SHISA9: variants seen among roughly 807,000 people sequenced by gnomAD.
SHISA9 encodes protein shisa-9.
A neutral mutation model predicts 38.0 loss-of-function variants in SHISA9; 13 were observed. The observed-to-expected ratio is 0.34, with a 90% CI of 0.22 to 0.54. The LOEUF is 0.54. Ranked by LOEUF, SHISA9 falls within the 20% of genes least tolerant of loss-of-function variation. The pLI, the probability that SHISA9 is intolerant of heterozygous loss-of-function variation, is 0.91. For synonymous variants in SHISA9, 275 were observed against 242.0 expected, an observed-to-expected ratio of 1.14 and a Z score of -1.27; for missense variants, 538 against 575.8, an observed-to-expected ratio of 0.93 and a Z score of 0.67.
At chr16:13,469,356 AAGAAAAGAAAAAGAAAGAAAGAAAGAAAG>A in the SHISA9 span, among the ~76,000 whole-genome samples, 15 of 126,006 alleles carry the variant, frequency 1.2e-4, no homozygotes, top group East Asian at 1.7e-3. Flanking sequence ...GAAAGAAAGA[AAGAAAAGAAAAAGAAAGAAAGAAAGAAAG>A]AAAGAAAGAA....
At chr16:13,168,005 C>T in intron 2 of SHISA9, among the ~76,000 whole-genome samples, 1 of 152,170 alleles carries the variant, frequency 6.6e-6, no homozygotes, top group East Asian at 1.9e-4. Flanking sequence ...CTGTCTGTAA[C>T]AACCACATTT....
At chr16:13,004,050 G>A (rs1432294381) in intron 2 of SHISA9, among the ~76,000 whole-genome samples, 3 of 152,128 alleles carry the variant, frequency 2.0e-5, no homozygotes, top group African/African-American at 7.2e-5. Flanking sequence ...CAAGAAATAG[G>A]CAGGGAGAGG....
At chr16:13,026,596 G>T (rs1229491246) in intron 2 of SHISA9, among the ~76,000 whole-genome samples, 12 of 152,154 alleles carry the variant, frequency 7.9e-5, no homozygotes, top group Non-Finnish European at 1.8e-4. Context: ...CCAGAAATGG[G>T]ATTGCTGCAT....
chr16:13,458,509 C>T, the SHISA9 span: 9 of 409,306 alleles, frequency 2.2e-5, no homozygotes, highest in East Asian at 2.3e-4. Flanking sequence ...AGAAAAAACT[C>T]GATCAACAAT....
the SHISA9 span, among the ~76,000 whole-genome samples, chr16:13,562,013 T>C: frequency 6.6e-6 from 1 of 152,350 alleles, no homozygotes; most frequent in Non-Finnish European, 1.5e-5. Flanking sequence ...TGCTTCTCTG[T>C]AGGTGATGGC....
the SHISA9 span, among the ~76,000 whole-genome samples, chr16:13,363,113 T>A: frequency 6.6e-6 from 1 of 152,018 alleles, no homozygotes; most frequent in Non-Finnish European, 1.5e-5. Context: ...GATGAGAGAA[T>A]GTGGATTTGG....
chr16:12,905,145 T>TGC (rs1596519910), intron 1 of SHISA9, among the ~76,000 whole-genome samples: 1 of 152,192 alleles, frequency 6.6e-6, no homozygotes, highest in Non-Finnish European at 1.5e-5. Flanking sequence ...TGTGTGTGTG[T>TGC]GCAAGTAAAC....
chr16:13,476,810 G>A, the SHISA9 span, among the ~76,000 whole-genome samples: 39 of 143,462 alleles, frequency 2.7e-4, no homozygotes, highest in Non-Finnish European at 3.0e-4. Context: ...GTGCAGTGGC[G>A]TGATCTCGGC....
chr16:12,973,048 G>A (rs936028618), intron 2 of SHISA9, among the ~76,000 whole-genome samples: 14 of 152,248 alleles, frequency 9.2e-5, no homozygotes, highest in South Asian at 4.2e-4. Flanking sequence ...CCTGGGAGGC[G>A]GAGGTTGCAG....
At chr16:13,317,386 G>A in the SHISA9 span, among the ~76,000 whole-genome samples, 1 of 152,182 alleles carries the variant, frequency 6.6e-6, no homozygotes, top group South Asian at 2.1e-4. Context: ...AACTCAGCAG[G>A]GAGTTCTTCA....
chr16:12,916,924 G>T, intron 2 of SHISA9, 109 bp downstream of exon 2: 1 of 1,247,052 alleles, frequency 8.0e-7, no homozygotes, highest in South Asian at 1.7e-5. Context: ...CTCTTTGTGG[G>T]CAAGTTAGAA....
chr16:13,320,619 G>A, the SHISA9 span, among the ~76,000 whole-genome samples: 1 of 152,162 alleles, frequency 6.6e-6, no homozygotes, highest in African/African-American at 2.4e-5. Flanking sequence ...GTCTCCTCTG[G>A]ACAATGGCTT....
chr16:13,109,088 C>T (rs1286631019), intron 2 of SHISA9, among the ~76,000 whole-genome samples: 1 of 152,180 alleles, frequency 6.6e-6, no homozygotes, highest in African/African-American at 2.4e-5. Flanking sequence ...GTGTGAATTA[C>T]TGAGTGTTGC....
chr16:13,265,143 C>T, the SHISA9 span, among the ~76,000 whole-genome samples: 1 of 115,488 alleles, frequency 8.7e-6, no homozygotes, highest in Non-Finnish European at 1.8e-5. Flanking sequence ...CTTCCCTTCC[C>T]CTTCCCTTTC....
At position 12,985,830 on chromosome 16, in the gene SHISA9, G is replaced by A. The variant is rs183295990; in HGVS notation, c.691+69015G>A. 8.5e-5 allele frequency among the ~76,000 whole-genome samples: 13 copies of A among 152,258 alleles called. No homozygotes were observed. In the East Asian group the frequency reaches 2.1e-3, roughly 25 times the overall value. On this transcript the variant is annotated intron_variant, in intron 2 of 4. Coordinates refer to ENST00000558583, the MANE Select transcript of SHISA9 (RefSeq NM_001145204.3). ...TTCTCAGAGGACTTTTCTGGATACT[G>A]GAGCTGCTTTATCTGTATATAAAGA...
chr16:13,142,564 C>G (rs1269712117), intron 2 of SHISA9, among the ~76,000 whole-genome samples: 1 of 152,168 alleles, frequency 6.6e-6, no homozygotes, highest in Non-Finnish European at 1.5e-5. Flanking sequence ...CTGTAGTTTC[C>G]TTGCCTCTCC....
chr16:12,914,765 C>T (rs186281593), intron 1 of SHISA9, among the ~76,000 whole-genome samples: 7 of 152,306 alleles, frequency 4.6e-5, no homozygotes, highest in Admixed American at 1.3e-4. Context: ...GGCCTTAGCA[C>T]GGTCTCAAAT....
chr16:12,950,054 G>A (rs1354093), intron 2 of SHISA9, among the ~76,000 whole-genome samples: 152,195 of 152,358 alleles, frequency 1, 76,016 homozygotes, highest in Non-Finnish European at 1. Context: ...GGTAAACACC[G>A]TTCTATTCTC....
At position 12,952,346 on chromosome 16, in the gene SHISA9, A is replaced by G. The variant is rs575838715; in HGVS notation, c.691+35531A>G. 7.2e-5 allele frequency among the ~76,000 whole-genome samples: 11 copies of G among 152,138 alleles called. No homozygotes were observed. The South Asian group carries it at 1.2e-3, about 17-fold the overall frequency. On this transcript the variant is annotated intron_variant, in intron 2 of 4. Coordinates refer to ENST00000558583, the MANE Select transcript of SHISA9 (RefSeq NM_001145204.3). Reference sequence around the variant, plus strand: ...CCCCGTGGCACGGTCCCTCCTCACAAATGTGGAGGATCTCCCAGAGGGCCC... The same window carrying G: ...CCCCGTGGCACGGTCCCTCCTCACAGATGTGGAGGATCTCCCAGAGGGCCC...
Sources: allele counts gnomAD v4.1 joint callset (sites outside exome capture counted in the v4.1 genomes callset), GRCh38; gene constraint gnomAD v4.1.1; transcripts MANE v1.5; gene names NCBI Gene and HGNC (gene_info 2026-07-23, HGNC 2026-07-21).